The following NBAS variants were observed in gnomAD, a reference collection of about 807,000 sequenced individuals.
NBAS encodes NAG/BC035112 fusion.
A neutral mutation model predicts 302.5 loss-of-function variants in NBAS; 219 were observed. The ratio of observed to expected loss-of-function variants is 0.72; its 90% CI spans 0.65 to 0.81. The LOEUF is 0.81. Among genes scored for constraint, NBAS ranks in the 30% least tolerant of loss-of-function variants. The probability of loss-of-function intolerance (pLI) is 0.00; values close to 1 mark genes in which losing one functional copy is unlikely to be tolerated. For missense variants in NBAS, 2,932 were observed against 2,841.6 expected (o/e 1.03, Z -0.72); for synonymous variants, 1,118 against 1,021.6 (o/e 1.09, Z -1.80).
intron 44 of NBAS, among the ~76,000 whole-genome samples, chr2:15,268,316 T>C (rs564891800): frequency 1.3e-5 from 2 of 152,164 alleles, no homozygotes; most frequent in Non-Finnish European, 1.5e-5. Flanking sequence ...GACCAGACGT[T>C]TGCTGCAGAG....
intron 47 of NBAS, among the ~76,000 whole-genome samples, chr2:15,228,905 T>C (rs1667254415): frequency 6.6e-6 from 1 of 152,206 alleles, no homozygotes; most frequent in Admixed American, 6.5e-5. Flanking sequence ...GTCTTATTTA[T>C]ATAGTAGGAT....
At chr2:14,817,632 G>A in the NBAS span, among the ~76,000 whole-genome samples, 1 of 152,142 alleles carries the variant, frequency 6.6e-6, no homozygotes, top group Admixed American at 6.5e-5. Flanking sequence ...TGTAAATGTT[G>A]ATAGGTTGAG....
chr2:14,896,658 T>C, the NBAS span, among the ~76,000 whole-genome samples: 1 of 152,168 alleles, frequency 6.6e-6, no homozygotes, highest in African/African-American at 2.4e-5. Context: ...ACATCAGTAC[T>C]GCAGCTGCTA....
At chr2:15,309,080 G>A (rs973338311) in intron 39 of NBAS, 91 bp downstream of exon 39, 21 of 793,832 alleles carry the variant, frequency 2.6e-5, no homozygotes, top group Non-Finnish European at 2.0e-6. Flanking sequence ...GGAGGAAATG[G>A]CATGCAATAA....
the NBAS span, among the ~76,000 whole-genome samples, chr2:14,790,427 G>T: frequency 6.6e-6 from 1 of 152,132 alleles, no homozygotes; most frequent in Non-Finnish European, 1.5e-5. Flanking sequence ...TCATACCAGT[G>T]AAATAGTCTG....
At chr2:14,792,485 T>C in the NBAS span, among the ~76,000 whole-genome samples, 1 of 152,132 alleles carries the variant, frequency 6.6e-6, no homozygotes, top group Admixed American at 6.5e-5. Flanking sequence ...GGGAGTATCA[T>C]ATTACATATT....
chr2:14,963,338 A>G, the NBAS span, among the ~76,000 whole-genome samples: 1 of 152,210 alleles, frequency 6.6e-6, no homozygotes. Flanking sequence ...AATCGTTTAA[A>G]TATTAGCTAG....
the NBAS span, among the ~76,000 whole-genome samples, chr2:15,147,958 T>C: frequency 6.6e-5 from 10 of 152,050 alleles, no homozygotes; most frequent in African/African-American, 2.4e-4. Flanking sequence ...AACGTTCAAC[T>C]GGAGAACTGA....
chr2:14,895,566 A>G, the NBAS span, among the ~76,000 whole-genome samples: 2 of 152,092 alleles, frequency 1.3e-5, no homozygotes, highest in Admixed American at 1.3e-4. Flanking sequence ...GTGAAACCCC[A>G]TCTCCACTAA....
At chr2:15,478,765 A>T (rs771054546) in intron 12 of NBAS, among the ~76,000 whole-genome samples, 1 of 152,204 alleles carries the variant, frequency 6.6e-6, no homozygotes, top group Non-Finnish European at 1.5e-5. Context: ...AGGTAAAAAA[A>T]ATATAACCAT....
the NBAS span, among the ~76,000 whole-genome samples, chr2:15,144,046 A>ATATATATATATATATATATATATATATAT: frequency 1.9e-5 from 2 of 104,578 alleles, no homozygotes; most frequent in African/African-American, 9.5e-5. Context: ...CCTATATATA[A>ATATATATATATATATATATATATATATAT]AAATATATAT....
chr2:15,298,958 G>A (rs1246560911), intron 40 of NBAS, among the ~76,000 whole-genome samples: 4 of 152,104 alleles, frequency 2.6e-5, no homozygotes, highest in Non-Finnish European at 5.9e-5. Context: ...CCACACTGCT[G>A]AGCAAGTCTC....
intron 28 of NBAS, among the ~76,000 whole-genome samples, chr2:15,384,555 A>T (rs541716573): frequency 2.7e-5 from 4 of 148,946 alleles, no homozygotes; most frequent in African/African-American, 9.9e-5. Flanking sequence ...TAAACATTCA[A>T]CAAATGTGAA....
the NBAS span, among the ~76,000 whole-genome samples, chr2:14,900,406 A>AGAT: frequency 6.6e-6 from 1 of 152,280 alleles, no homozygotes; most frequent in African/African-American, 2.4e-5. Context: ...AAGGAAACTG[A>AGAT]GATTTTTACC....
intron 47 of NBAS, among the ~76,000 whole-genome samples, chr2:15,225,402 T>A (rs554843998): frequency 6.6e-6 from 1 of 152,300 alleles, no homozygotes; most frequent in East Asian, 1.9e-4. Flanking sequence ...TAAGGCCTCA[T>A]GCACTGCAGG....
chr2:15,123,496 G>A, the NBAS span, among the ~76,000 whole-genome samples: 3 of 152,284 alleles, frequency 2.0e-5, no homozygotes, highest in South Asian at 6.2e-4. Context: ...AACATTTGTG[G>A]TTCTCAATGT....
chr2:15,349,709 T>G (rs1315475084), intron 35 of NBAS, among the ~76,000 whole-genome samples: 1 of 151,956 alleles, frequency 6.6e-6, no homozygotes, highest in African/African-American at 2.4e-5. Context: ...TTCCCAGCAC[T>G]TTGGGAGGCC....
At chr2:15,488,834 A>T (rs1472560751) in intron 12 of NBAS, 60 bp downstream of exon 12, 1 of 1,596,394 alleles carries the variant, frequency 6.3e-7, no homozygotes, top group African/African-American at 1.3e-5. Flanking sequence ...AATAAAATAA[A>T]ATTAGTATTG....
At chr2:14,866,765 T>A in the NBAS span, among the ~76,000 whole-genome samples, 1 of 152,224 alleles carries the variant, frequency 6.6e-6, no homozygotes, top group Non-Finnish European at 1.5e-5. Context: ...AGGATCATTC[T>A]GAAAAATGCT....
Sources: gnomAD v4.1 joint callset for allele counts (sites outside exome capture counted in the v4.1 genomes callset) on GRCh38, gnomAD v4.1.1 for gene constraint, MANE v1.5 for transcripts, NCBI Gene and HGNC (gene_info 2026-07-23, HGNC 2026-07-21) for gene names.